Variants in CELF4 observed in about 807,000 individuals in gnomAD.
The protein encoded by CELF4 is CUG-BP- and ETR-3-like factor 4.
Under a neutral mutation model 59.9 loss-of-function variants are expected in CELF4, and 18 were observed. That is an observed-to-expected ratio of 0.30 (90% CI 0.21 to 0.45). The LOEUF is 0.45. CELF4 is among the 20% of genes least tolerant of loss of function. CELF4 has a pLI of 1.00. For synonymous variants in CELF4, 261 were observed against 267.1 expected (o/e 0.98, Z 0.22); for missense variants, 456 against 689.0 (o/e 0.66, Z 3.79).
chr18:37,283,278 G>GC (rs1181609799), intron 3 of CELF4, among the ~76,000 whole-genome samples: 5 of 152,056 alleles, frequency 3.3e-5, no homozygotes, highest in Middle Eastern at 3.4e-3. Context: ...CACCCACCAA[G>GC]CCCCTGCTGT....
intron 1 of CELF4, among the ~76,000 whole-genome samples, chr18:37,493,353 A>G (rs1412233339): frequency 1.3e-5 from 2 of 152,240 alleles, no homozygotes; most frequent in African/African-American, 4.8e-5. Flanking sequence ...TTTTGCAGTT[A>G]GAATCATACA....
chr18:37,439,437 G>A (rs2099704772), intron 2 of CELF4, among the ~76,000 whole-genome samples: 1 of 152,162 alleles, frequency 6.6e-6, no homozygotes, highest in Non-Finnish European at 1.5e-5. Context: ...GTGCATGTGT[G>A]CGTCTGAAAT....
At chr18:37,485,831 C>G in intron 1 of CELF4, 1 of 359,460 alleles carries the variant, frequency 2.8e-6, no homozygotes. Flanking sequence ...GCTCCCTCCG[C>G]GGAGTCTCCC....
intron 2 of CELF4, among the ~76,000 whole-genome samples, chr18:37,476,839 T>C (rs1401444497): frequency 7.2e-6 from 1 of 138,154 alleles, no homozygotes; most frequent in African/African-American, 2.7e-5. Flanking sequence ...ACATTCTCGC[T>C]CCGGTGGACA....
chr18:37,353,932 T>C (rs1272569060), intron 2 of CELF4, among the ~76,000 whole-genome samples: 3 of 152,072 alleles, frequency 2.0e-5, no homozygotes, highest in Middle Eastern at 6.8e-3. Context: ...ATTTTTTGTA[T>C]TTTTAGTAGA....
rs149139966 is a variant in CELF4 at position 37,345,836 on chromosome 18, C to T, written c.370-23955G>A. Reference sequence around the variant, plus strand: ...GGTCTCTCCAGTCTCCTGGGTCTCTCCTGCATACCTTAGCACTCCCAAAAC... The same window carrying T: ...GGTCTCTCCAGTCTCCTGGGTCTCTTCTGCATACCTTAGCACTCCCAAAAC... On this transcript the variant is annotated intron_variant, in intron 2 of 12. Transcript: ENST00000420428. 4.2e-3 allele frequency among the ~76,000 whole-genome samples: 646 copies of T among 152,194 alleles called. 4 individuals are homozygous for T. The highest frequency in any genetic ancestry group is 0.014 in the African/African-American group (592 of 41,540).
At chr18:37,415,534 TC>T (rs1036442121) in intron 2 of CELF4, among the ~76,000 whole-genome samples, 2 of 152,130 alleles carry the variant, frequency 1.3e-5, no homozygotes, top group African/African-American at 2.4e-5. Flanking sequence ...CAGGTTTTTT[TC>T]CCCCCAATGA....
At chr18:37,533,940 C>T (rs1172403665) in intron 1 of CELF4, among the ~76,000 whole-genome samples, 1 of 152,170 alleles carries the variant, frequency 6.6e-6, no homozygotes, top group Non-Finnish European at 1.5e-5. Flanking sequence ...ATTATTGGAT[C>T]CTGGCTCCTT....
chr18:37,408,556 C>T (rs2099408499), intron 2 of CELF4, among the ~76,000 whole-genome samples: 2 of 145,680 alleles, frequency 1.4e-5, no homozygotes, highest in African/African-American at 2.5e-5. Flanking sequence ...ACAAGTCTGG[C>T]AAATCTGAAG....
intron 2 of CELF4, among the ~76,000 whole-genome samples, chr18:37,460,670 T>C (rs997727969): frequency 2.6e-5 from 4 of 152,262 alleles, no homozygotes; most frequent in African/African-American, 9.6e-5. Flanking sequence ...GGCATACAGA[T>C]GCATGCGAAT....
intron 3 of CELF4, among the ~76,000 whole-genome samples, chr18:37,297,884 C>A (rs1160321125): frequency 6.6e-6 from 1 of 150,818 alleles, no homozygotes; most frequent in Non-Finnish European, 1.5e-5. Context: ...GATGCCAGAC[C>A]CTGTGCCCTC....
intron 1 of CELF4, among the ~76,000 whole-genome samples, chr18:37,515,495 C>T (rs1280653312): frequency 6.6e-6 from 1 of 152,164 alleles, no homozygotes; most frequent in African/African-American, 2.4e-5. Flanking sequence ...ATTTCTTGGC[C>T]CATCCTCCAG....
chr18:37,440,245 G>T (rs530075881), intron 2 of CELF4, among the ~76,000 whole-genome samples: 37 of 152,182 alleles, frequency 2.4e-4, no homozygotes, highest in Admixed American at 2.2e-3. Flanking sequence ...GAGGGGGAAC[G>T]TGCTGGAACT....
chr18:37,414,192 AT>A (rs1835660023), intron 2 of CELF4, among the ~76,000 whole-genome samples: 2 of 2,940 alleles, frequency 6.8e-4, no homozygotes, highest in Non-Finnish European at 9.5e-4. Flanking sequence ...CCATTCATTC[AT>A]CTATCTATCT....
chr18:37,334,072 T>C (rs898540964), intron 2 of CELF4, among the ~76,000 whole-genome samples: 1 of 152,170 alleles, frequency 6.6e-6, no homozygotes, highest in Non-Finnish European at 1.5e-5. Context: ...TTACCTCTGA[T>C]GTGTGGCTCT....
intron 2 of CELF4, among the ~76,000 whole-genome samples, chr18:37,418,263 T>C (rs533292717): frequency 6.6e-6 from 1 of 152,316 alleles, no homozygotes; most frequent in Non-Finnish European, 1.5e-5. Context: ...TGGTAAAATA[T>C]CTAATGACTG....
chr18:37,544,881 G>A (rs958736767), intron 1 of CELF4, among the ~76,000 whole-genome samples: 2 of 152,210 alleles, frequency 1.3e-5, no homozygotes, highest in African/African-American at 4.8e-5. Flanking sequence ...GCCTGAGGAA[G>A]CCGCAGCATT....
intron 9 of CELF4, among the ~76,000 whole-genome samples, chr18:37,265,648 C>G (rs374977123): frequency 6.6e-6 from 1 of 152,124 alleles, no homozygotes; most frequent in Non-Finnish European, 1.5e-5. Context: ...CAGGAGTGGC[C>G]GGCTCCCTCC....
intron 2 of CELF4, among the ~76,000 whole-genome samples, chr18:37,416,336 T>C (rs1351238402): frequency 1.3e-5 from 2 of 152,092 alleles, no homozygotes; most frequent in East Asian, 1.9e-4. Flanking sequence ...CCCATGCAGA[T>C]CCTCCCCCTG....
Sources: allele counts gnomAD v4.1 joint callset (sites outside exome capture counted in the v4.1 genomes callset), GRCh38; gene constraint gnomAD v4.1.1; transcripts MANE v1.5; gene names NCBI Gene and HGNC (gene_info 2026-07-23, HGNC 2026-07-21).